HOOK3: variants seen among roughly 807,000 people sequenced by gnomAD.
HOOK3 encodes hook microtubule tethering protein 3, also known as protein Hook homolog 3.
In HOOK3, 24 loss-of-function variants were observed where a neutral mutation model predicts 116.3. That is an observed-to-expected ratio of 0.21 (90% CI 0.15 to 0.29). HOOK3 has a LOEUF of 0.29. Among genes scored for constraint, HOOK3 ranks in the 10% least tolerant of loss-of-function variants. The pLI is 1.00. For missense variants in HOOK3, 632 were observed against 830.2 expected, an observed-to-expected ratio of 0.76 and a Z score of 2.93; for synonymous variants, 275 against 283.0, an observed-to-expected ratio of 0.97 and a Z score of 0.28.
intron 18 of HOOK3, among the ~76,000 whole-genome samples, chr8:43,008,442 G>A (rs1420356369): frequency 2.0e-5 from 3 of 151,354 alleles, no homozygotes; most frequent in South Asian, 2.1e-4. Context: ...TAACCACCCC[G>A]CCAATAGCTG....
At chr8:42,977,444 A>G (rs11995172) in intron 13 of HOOK3, among the ~76,000 whole-genome samples, 4,709 of 152,236 alleles carry the variant, frequency 0.031, 264 homozygotes, top group African/African-American at 0.11. Context: ...CCAAAGCTCA[A>G]TCATTTAGGT....
intron 2 of HOOK3, among the ~76,000 whole-genome samples, chr8:42,922,850 A>G (rs1276951052): frequency 1.3e-5 from 2 of 151,656 alleles, no homozygotes; most frequent in Non-Finnish European, 2.9e-5. Context: ...ACTGCACCCC[A>G]GCCTGGGCAA....
In HOOK3 at chr8:43,018,537, A is replaced by G; in HGVS notation, c.*39A>G. 1 of 1,548,028 alleles carries G rather than the reference A, an allele frequency of 6.5e-7. No homozygotes were observed. The highest frequency in any genetic ancestry group is 2.2e-5 in the Admixed American group (1 of 46,390). ...CTCAATCACAGACACCTGCACCCACAACATACTTCTGTTACACACAAGAAC... is the reference window on the plus strand; with the variant it reads ...CTCAATCACAGACACCTGCACCCACGACATACTTCTGTTACACACAAGAAC... On this transcript the variant is annotated 3_prime_UTR_variant, in exon 22 of 22. Transcript: ENST00000307602.
chr8:42,949,338 T>C (rs1808294668), intron 5 of HOOK3: 1 of 152,222 alleles, frequency 6.6e-6, no homozygotes, highest in Non-Finnish European at 1.5e-5. Context: ...ATGAGATTGA[T>C]GGAGTTGCTG....
intron 6 of HOOK3, among the ~76,000 whole-genome samples, chr8:42,952,500 T>G (rs1369463537): frequency 1.3e-5 from 2 of 152,184 alleles, no homozygotes; most frequent in African/African-American, 2.4e-5. Flanking sequence ...GATGTCCAAA[T>G]CAATTTTCAG....
intron 2 of HOOK3, among the ~76,000 whole-genome samples, chr8:42,914,128 C>G (rs1379194578): frequency 6.6e-6 from 1 of 152,156 alleles, no homozygotes; most frequent in Non-Finnish European, 1.5e-5. Context: ...TCGTGCTCCT[C>G]CATACTGCTT....
At chr8:42,917,781 A>AT (rs2130343666) in intron 2 of HOOK3, among the ~76,000 whole-genome samples, 1 of 152,282 alleles carries the variant, frequency 6.6e-6, no homozygotes, top group African/African-American at 2.4e-5. Context: ...ATAAATGGAT[A>AT]TTTTTTATAG....
rs760454575 is a variant in HOOK3, at chr8:42,974,071, G to A, written c.1234-36G>A. 16 of 1,454,750 alleles carry A rather than the reference G, an allele frequency of 1.1e-5. No individual in the cohort carries two copies. The East Asian group carries it at 1.4e-4, about 12-fold the overall frequency. The allele number at this position is 1,454,750 out of a possible 1,614,324, so 90.1% of individuals were successfully genotyped here. Reference sequence around the variant, plus strand: ...CCACTGATGAATAAATTCTTAAAACGTGAAGCTAACCCTCCATGTTTTTGT... The same window carrying A: ...CCACTGATGAATAAATTCTTAAAACATGAAGCTAACCCTCCATGTTTTTGT... On this transcript the variant is annotated intron_variant, in intron 12 of 21. Coordinates refer to ENST00000307602, the MANE Select transcript of HOOK3 (RefSeq NM_032410.4).
chr8:42,910,658 A>G (rs182715704), intron 2 of HOOK3, among the ~76,000 whole-genome samples: 14 of 152,330 alleles, frequency 9.2e-5, no homozygotes, highest in African/African-American at 3.4e-4. Context: ...GTTACACAGT[A>G]TCTATTTTAA....
At chr8:42,982,895 A>T (rs909725208) in intron 14 of HOOK3, among the ~76,000 whole-genome samples, 199 bp downstream of exon 14, 2 of 152,242 alleles carry the variant, frequency 1.3e-5, no homozygotes, top group African/African-American at 4.8e-5. Context: ...GCTCACTTCA[A>T]TAAGACAATC....
chr8:42,976,620 A>G (rs1258464372), intron 13 of HOOK3, among the ~76,000 whole-genome samples: 1 of 152,150 alleles, frequency 6.6e-6, no homozygotes, highest in Non-Finnish European at 1.5e-5. Context: ...TTTCTTGGCC[A>G]GGCACAGTGG....
At chr8:42,958,396 A>AT (rs1183499169) in intron 7 of HOOK3, among the ~76,000 whole-genome samples, 13 of 151,970 alleles carry the variant, frequency 8.6e-5, no homozygotes, top group Admixed American at 2.6e-4. Context: ...TTTTTTTCAT[A>AT]CTTTGCTAAT....
intron 21 of HOOK3, among the ~76,000 whole-genome samples, chr8:43,017,723 C>T (rs925654810): frequency 6.6e-6 from 1 of 152,098 alleles, no homozygotes; most frequent in African/African-American, 2.4e-5. Flanking sequence ...TGGAGGTTTC[C>T]TCCCTCCTGT....
chr8:42,952,153 T>C (rs13269584), intron 6 of HOOK3, among the ~76,000 whole-genome samples: 7,208 of 152,244 alleles, frequency 0.047, 224 homozygotes, highest in South Asian at 0.081. Context: ...CACCCTGTCA[T>C]CTGACCAACT....
At chr8:42,965,751 T>C (rs563959180) in intron 9 of HOOK3, among the ~76,000 whole-genome samples, 5 of 152,312 alleles carry the variant, frequency 3.3e-5, no homozygotes, top group Non-Finnish European at 5.9e-5. Flanking sequence ...TTTTTTTTTT[T>C]CTTTTACCTT....
chr8:42,897,002 G>T lies in HOOK3; in HGVS notation c.-130G>T. The T allele has an allele frequency of 1.8e-6, 1 of 570,624 alleles. No individual in the cohort carries two copies. Among genetic ancestry groups the T allele is most frequent in the Non-Finnish European group, 2.6e-6 (1 of 383,992 alleles). The allele number at this position is 570,624 out of a possible 1,614,324, so 35.3% of individuals were successfully genotyped here. ...CGGAGCCGCTGCCAGCGCTGGGCGA[G>T]AGTCGGCGGCCGGATCCGAGGAGCA... On this transcript the variant is annotated 5_prime_UTR_variant, in exon 1 of 22. Transcript: ENST00000307602.
At chr8:42,959,986 T>C (rs1808507132) in intron 8 of HOOK3, among the ~76,000 whole-genome samples, 1 of 152,136 alleles carries the variant, frequency 6.6e-6, no homozygotes, top group South Asian at 2.1e-4. Context: ...GGATGCATAT[T>C]GAAGAAGGTA....
At chr8:42,897,508 C>T (rs1419965441) in intron 1 of HOOK3, among the ~76,000 whole-genome samples, 2 of 152,248 alleles carry the variant, frequency 1.3e-5, no homozygotes, top group African/African-American at 4.8e-5. Context: ...CCAGGACCCG[C>T]CGCCGCTCCT....
intron 3 of HOOK3, among the ~76,000 whole-genome samples, chr8:42,929,194 A>C (rs1352479012): frequency 6.6e-6 from 1 of 152,256 alleles, no homozygotes; most frequent in East Asian, 1.9e-4. Context: ...AGAATGAAAG[A>C]AAGCATATTA....
Sources: allele counts gnomAD v4.1 joint callset (sites outside exome capture counted in the v4.1 genomes callset), GRCh38; gene constraint gnomAD v4.1.1; transcripts MANE v1.5; gene names NCBI Gene and HGNC (gene_info 2026-07-23, HGNC 2026-07-21).